Variants in FRMPD4 observed in about 807,000 individuals in gnomAD.
The protein encoded by FRMPD4 is FERM and PDZ domain containing 4, also known as FERM and PDZ domain-containing protein 4.
A neutral mutation model predicts 94.1 loss-of-function variants in FRMPD4; 22 were observed. That is an observed-to-expected ratio of 0.23 (90% CI 0.17 to 0.33). The LOEUF (loss-of-function observed/expected upper bound fraction) is 0.33. Ranked by LOEUF, FRMPD4 falls within the 10% of genes least tolerant of loss-of-function variation. The pLI is 1.00. For missense variants in FRMPD4, 1,111 were observed against 1,339.9 expected, an observed-to-expected ratio of 0.83 and a Z score of 2.67; for synonymous variants, 631 against 548.6, an observed-to-expected ratio of 1.15 and a Z score of -2.10.
intron 1 of FRMPD4, among the ~76,000 whole-genome samples, chrX:11,855,096 C>T (rs1453066749): frequency 8.9e-6 from 1 of 112,795 alleles, no homozygotes; most frequent in Non-Finnish European, 1.9e-5. Context: ...ACAGGCCCAA[C>T]ACCATGTATA....
At chrX:12,677,302 C>G (rs1381059821) in intron 5 of FRMPD4, among the ~76,000 whole-genome samples, 4 of 111,251 alleles carry the variant, frequency 3.6e-5, no homozygotes, top group Non-Finnish European at 7.5e-5. Flanking sequence ...CTGTTCAAAT[C>G]CCAAATGGCT....
At chrX:12,009,573 G>A (rs1010550974) in intron 3 of FRMPD4, among the ~76,000 whole-genome samples, 3 of 112,258 alleles carry the variant, frequency 2.7e-5, no homozygotes, top group Admixed American at 9.5e-5. Context: ...AAGAAGTGTC[G>A]CTGAGCAGAT....
At chrX:11,848,591 T>C (rs192060608) in intron 1 of FRMPD4, among the ~76,000 whole-genome samples, 3 of 109,145 alleles carry the variant, frequency 2.7e-5, no homozygotes, top group Non-Finnish European at 5.7e-5. Flanking sequence ...ATGTGGGTGG[T>C]TTGGGCCCAC....
intron 1 of FRMPD4, among the ~76,000 whole-genome samples, chrX:12,241,971 A>G (rs781126996): frequency 1.8e-3 from 183 of 101,397 alleles, no homozygotes; most frequent in African/African-American, 6.2e-3. Context: ...GAGGAGGAGG[A>G]AGAGGAAGAG....
intron 1 of FRMPD4, among the ~76,000 whole-genome samples, chrX:12,256,328 G>C (rs2054114523): frequency 8.9e-6 from 1 of 111,967 alleles, no homozygotes; most frequent in Non-Finnish European, 1.9e-5. Context: ...AAAAATGATA[G>C]ACTAGGGCTA....
At chrX:12,419,686 AT>A (rs1405906323) in intron 1 of FRMPD4, among the ~76,000 whole-genome samples, 1 of 111,015 alleles carries the variant, frequency 9.0e-6, no homozygotes, top group Non-Finnish European at 1.9e-5. Flanking sequence ...CACTGAACCT[AT>A]TTGCTCCAAG....
Position 12,375,461 on chromosome X carries a change from C to G in FRMPD4, c.42-123219C>G, listed in dbSNP as rs776088495. Among the ~76,000 whole-genome samples the G allele has an allele frequency of 4.5e-5, 5 of 112,008 alleles. No homozygotes were observed. In the East Asian group the frequency reaches 1.4e-3, roughly 31 times the overall value. On this transcript the variant is annotated intron_variant, in intron 1 of 16. Transcript: ENST00000675598. ...TCCTTGCAGTTGCAGGACTGAGGTC[C>G]TGATACTCTTGACATGTGTCCCCTT... is the stretch of plus-strand genomic sequence containing the variant.
intron 2 of FRMPD4, among the ~76,000 whole-genome samples, chrX:12,536,527 C>T (rs1250982413): frequency 2.7e-5 from 3 of 111,669 alleles, no homozygotes; most frequent in East Asian, 2.8e-4. Context: ...CTTGTCTACG[C>T]ACAACCTCTT....
rs2053981700 is a variant in FRMPD4 at position 12,248,187 on chromosome X, AG to A, written c.41+109176del. 3.6e-5 allele frequency among the ~76,000 whole-genome samples: 4 copies of A among 112,637 alleles called. No homozygotes were observed. The South Asian group carries it at 1.5e-3, about 42-fold the overall frequency. On this transcript the variant is annotated intron_variant, in intron 1 of 16. Transcript: ENST00000675598. ...AAGTATAACAATTCCAGCTGCTGAC[AG>A]TAATTTTCTACATAGGCATCCCTTT...
intron 3 of FRMPD4, among the ~76,000 whole-genome samples, chrX:11,918,947 T>C (rs1336485887): frequency 8.9e-6 from 1 of 112,759 alleles, no homozygotes; most frequent in Non-Finnish European, 1.9e-5. Flanking sequence ...TTTCTTCCCA[T>C]CCATGTAGAC....
intron 2 of FRMPD4, among the ~76,000 whole-genome samples, chrX:12,528,971 T>C (rs1569317523): frequency 1.8e-5 from 2 of 112,658 alleles, no homozygotes; most frequent in Non-Finnish European, 3.7e-5. Flanking sequence ...CTGTTAGTTA[T>C]CTATTGCTGC....
chrX:11,911,514 C>G (rs1056527735), intron 3 of FRMPD4, among the ~76,000 whole-genome samples: 16 of 112,340 alleles, frequency 1.4e-4, no homozygotes, highest in Admixed American at 9.5e-5. Flanking sequence ...CTCCCTTCCT[C>G]TGAATGGACT....
intron 3 of FRMPD4, among the ~76,000 whole-genome samples, chrX:11,903,167 T>A (rs941129572): frequency 5.3e-5 from 6 of 112,283 alleles, no homozygotes; most frequent in Non-Finnish European, 1.1e-4. Flanking sequence ...ATTTTCCAAA[T>A]CTTTCCAGTA....
chrX:12,639,229 T>C (rs1418319798), intron 4 of FRMPD4, among the ~76,000 whole-genome samples: 3 of 112,299 alleles, frequency 2.7e-5, no homozygotes, highest in Non-Finnish European at 5.6e-5. Flanking sequence ...TTTTGCCAAC[T>C]TTCCATAATC....
chrX:12,465,289 A>G (rs773979332), intron 1 of FRMPD4, among the ~76,000 whole-genome samples: 2 of 112,116 alleles, frequency 1.8e-5, no homozygotes, highest in African/African-American at 3.2e-5. Flanking sequence ...CAGAATCTCC[A>G]TGATAAAATG....
rs147356261 is a variant in FRMPD4 at position 12,423,166 on chromosome X, T to C, written c.42-75514T>C. On this transcript the variant is annotated intron_variant, in intron 1 of 16. Transcript: ENST00000675598. ...CTCTTAAAAATTCCGGCTCCTGAAG[T>C]GTTGTTGCAGTGAGCCGAACCAAGA... Among the ~76,000 whole-genome samples, 277 of 110,379 alleles carry C rather than the reference T, an allele frequency of 2.5e-3. 1 individual carries two copies. The highest frequency in any genetic ancestry group is 4.2e-3 in the Non-Finnish European group (223 of 52,880).
intron 16 of FRMPD4, 100 bp from the exon 17 acceptor site, chrX:12,720,434 A>C: frequency 1.1e-6 from 1 of 924,545 alleles, no homozygotes; most frequent in East Asian, 3.1e-5. Flanking sequence ...TCCAGACTAC[A>C]ACCTTGAGAA....
At chrX:12,659,144 G>T (rs765376224) in intron 4 of FRMPD4, among the ~76,000 whole-genome samples, 9 of 111,801 alleles carry the variant, frequency 8.1e-5, no homozygotes, top group Non-Finnish European at 1.5e-4. Flanking sequence ...GTAGCCCCCT[G>T]TGCCCAGGAG....
intron 1 of FRMPD4, among the ~76,000 whole-genome samples, chrX:11,830,627 A>G (rs1057128682): frequency 2.7e-5 from 3 of 112,388 alleles, no homozygotes; most frequent in Non-Finnish European, 5.6e-5. Flanking sequence ...ATTTTAATAA[A>G]GTAATTTTTT....
Sources: allele counts gnomAD v4.1 joint callset (sites outside exome capture counted in the v4.1 genomes callset), GRCh38; gene constraint gnomAD v4.1.1; transcripts MANE v1.5; gene names NCBI Gene and HGNC (gene_info 2026-07-23, HGNC 2026-07-21).